Variants in SDF4 observed in about 807,000 individuals in gnomAD.
SDF4 encodes the protein stromal cell derived factor 4.
In SDF4, 22 loss-of-function variants were observed where a neutral mutation model predicts 34.2. The observed-to-expected ratio is 0.64, with a 90% CI of 0.46 to 0.92. SDF4 has a LOEUF of 0.92. Among genes scored for constraint, SDF4 ranks in the 40% least tolerant of loss-of-function variants. The pLI is 0.00. For missense variants in SDF4, 447 were observed against 499.9 expected, an observed-to-expected ratio of 0.89 and a Z score of 1.01; for synonymous variants, 236 against 203.1, an observed-to-expected ratio of 1.16 and a Z score of -1.38.
intron 4 of SDF4, chr1:1,220,788 T>G (rs2100971604): frequency 7.8e-7 from 1 of 1,285,350 alleles, no homozygotes; most frequent in South Asian, 1.2e-5. Flanking sequence ...CAATCAGAGT[T>G]GGGGGGCGGG....
intron 1 of SDF4, among the ~76,000 whole-genome samples, chr1:1,231,679 C>G (rs1465868940): frequency 1.3e-5 from 2 of 152,170 alleles, no homozygotes; most frequent in Admixed American, 6.5e-5. Context: ...TGCCGGCGGC[C>G]GGGGAGGCCA....
At chr1:1,220,413 C>T (rs1045981042) in intron 4 of SDF4, 64 of 1,176,542 alleles carry the variant, frequency 5.4e-5, no homozygotes, top group African/African-American at 1.8e-4. Context: ...CGGTGACCCT[C>T]GCAGGAGCCA....
Position 1,218,581 on chromosome 1 carries a change from C to T in SDF4, c.768G>A (p.Val256=). ...GGCCCTGCTGGTTCTCCACGGTGCC[C>T]ACGGGCAGGGAGATGAACTCGGGCA... ...LSVPEFISLP[V]GTVENQQGQD... is the part of the protein sequence containing the mutation. The change falls in exon 6 of 7, where the codon GTG becomes GTA. Residue 256 remains valine, a synonymous_variant. Transcript: ENST00000360001. This position sits in a 1 kb window ranked among gnomAD's most constrained non-coding sequence, Gnocchi z 7.9. 1 of 1,614,082 alleles carries T rather than the reference C, an allele frequency of 6.2e-7. No individual in the cohort carries two copies. The highest frequency in any genetic ancestry group is 8.5e-7 in the Non-Finnish European group (1 of 1,179,960).
chr1:1,229,971 G>A (rs1478143970), intron 1 of SDF4, among the ~76,000 whole-genome samples: 4 of 152,204 alleles, frequency 2.6e-5, no homozygotes. Context: ...GCGAGCGAAC[G>A]CCAAGGCCGA....
intron 4 of SDF4, chr1:1,221,368 A>G (rs552272224): frequency 6.5e-6 from 1 of 154,074 alleles, no homozygotes; most frequent in East Asian, 1.9e-4. Flanking sequence ...AGACCTACCT[A>G]GGCAACATGG....
At chr1:1,224,445 A>C (rs1203913864) in intron 2 of SDF4, among the ~76,000 whole-genome samples, 1 of 152,026 alleles carries the variant, frequency 6.6e-6, no homozygotes, top group Non-Finnish European at 1.5e-5. Flanking sequence ...ACGCCTGGCT[A>C]ATTTTTGTAT....
At chr1:1,219,874 C>T (rs963915252) in intron 4 of SDF4, 88 of 985,720 alleles carry the variant, frequency 8.9e-5, no homozygotes, top group Middle Eastern at 1.0e-3. Context: ...CTCTGCGTCG[C>T]GCTCACTGCG....
chr1:1,230,146 C>T (rs1638447432), intron 1 of SDF4, among the ~76,000 whole-genome samples: 1 of 152,240 alleles, frequency 6.6e-6, no homozygotes, highest in Non-Finnish European at 1.5e-5. Context: ...ACCTGCGGGT[C>T]CTTTCGGGTG....
chr1:1,217,823 G>C lies in SDF4; in HGVS notation c.892-135C>G, dbSNP rs748773694. 4 of 1,549,190 alleles carry C rather than the reference G, an allele frequency of 2.6e-6. No individual in the cohort carries two copies. Among genetic ancestry groups the C allele is most frequent in the Non-Finnish European group, 3.5e-6 (4 of 1,151,816 alleles). ...GCACGTTCTGGAAGGTTCCCGAAGG[G>C]AGGCGGCACAAATGAAAACACAGGG... On this transcript the variant is annotated intron_variant, in intron 6 of 6. Coordinates refer to ENST00000360001, the MANE Select transcript of SDF4 (RefSeq NM_016176.6). This position sits in a 1 kb window ranked among gnomAD's most constrained non-coding sequence, Gnocchi z 8.5.
chr1:1,217,773 C>A lies in SDF4; in HGVS notation c.892-85G>T. 6.3e-7 allele frequency: 1 copy of A among 1,598,828 alleles called. No individual in the cohort carries two copies. Among genetic ancestry groups the A allele is most frequent in the South Asian group, 1.1e-5 (1 of 90,616 alleles). On this transcript the variant is annotated intron_variant, in intron 6 of 6. Transcript: ENST00000360001. This position sits in a 1 kb window ranked among gnomAD's most constrained non-coding sequence, Gnocchi z 8.5. Reference sequence around the variant, plus strand: ...CCGCACGAAGTGGCTATTTAAGGTGCCTATTGGCTGCAGCGGGAGTGTGGG... The same window carrying A: ...CCGCACGAAGTGGCTATTTAAGGTGACTATTGGCTGCAGCGGGAGTGTGGG...
In SDF4 at chr1:1,220,229, G is replaced by C. The variant is rs971320062; in HGVS notation, c.557-1302C>G. 1.5e-5 allele frequency: 15 copies of C among 1,016,306 alleles called. No homozygotes were observed. In the African/African-American group the frequency reaches 1.9e-4, roughly 13 times the overall value. 63.0% of individuals were successfully genotyped at this position (1,016,306 alleles called of 1,614,324 possible). On this transcript the variant is annotated intron_variant, in intron 4 of 6. Transcript: ENST00000360001. The stretch of plus-strand genomic sequence containing the variant: ...CTGCTGTTAGGGAAGGATCTGGAGA[G>C]ACCCTCCTGGATCAGGGAGAGTCAA...
At position 1,220,444 on chromosome 1, in the gene SDF4, C is replaced by G. The variant is rs181453948; in HGVS notation, c.557-1517G>C. 5 of 1,186,396 alleles carry G rather than the reference C, an allele frequency of 4.2e-6. No homozygotes were observed. In the African/African-American group the frequency reaches 8.0e-5, roughly 19 times the overall value. The allele number at this position is 1,186,396 out of a possible 1,614,324, so 73.5% of individuals were successfully genotyped here. ...AGCCATGCAGGGAGGGGTGGGAGGT[C>G]GCAGGAGTGACGCCTGCCAGCGCTT... On this transcript the variant is annotated intron_variant, in intron 4 of 6. Coordinates refer to ENST00000360001, the MANE Select transcript of SDF4 (RefSeq NM_016176.6).
At chr1:1,220,289 CAG>C (rs1248979546) in intron 4 of SDF4, 3 of 1,090,910 alleles carry the variant, frequency 2.7e-6, no homozygotes, top group East Asian at 7.5e-5. Flanking sequence ...GACGCAGACC[CAG>C]AGAGAGGCAG....
In SDF4 at chr1:1,217,802, G is replaced by C; in HGVS notation, c.892-114C>G. On this transcript the variant is annotated intron_variant, in intron 6 of 6. Coordinates refer to ENST00000360001, the MANE Select transcript of SDF4 (RefSeq NM_016176.6). The surrounding 1 kb of genome is among the most constrained non-coding windows in gnomAD (Gnocchi z 8.5). ...TTGGCTGCAGCGGGAGTGTGGGCACGTTCTGGAAGGTTCCCGAAGGGAGGC... is the reference window on the plus strand; with the variant it reads ...TTGGCTGCAGCGGGAGTGTGGGCACCTTCTGGAAGGTTCCCGAAGGGAGGC... 6.4e-7 allele frequency: 1 copy of C among 1,572,462 alleles called. No homozygotes were observed. Among genetic ancestry groups the C allele is most frequent in the South Asian group, 1.1e-5 (1 of 88,138 alleles).
At chr1:1,220,107 CCAGCACAGGATTCTCA>C in intron 4 of SDF4, 1 of 986,864 alleles carries the variant, frequency 1.0e-6, no homozygotes, top group Non-Finnish European at 1.2e-6. Context: ...GACGCTTTCT[CCAGCACAGGATTCTCA>C]CAGCCGCCGC....
intron 2 of SDF4, among the ~76,000 whole-genome samples, chr1:1,226,856 C>G (rs1337777395): frequency 6.6e-6 from 1 of 152,154 alleles, no homozygotes; most frequent in Non-Finnish European, 1.5e-5. Flanking sequence ...ACCGGCTGAG[C>G]AGGGACGGGG....
intron 2 of SDF4, among the ~76,000 whole-genome samples, chr1:1,226,372 T>C (rs1279033464): frequency 3.3e-5 from 4 of 119,816 alleles, no homozygotes; most frequent in African/African-American, 1.4e-4. Flanking sequence ...ACCTCCCCTC[T>C]GGGGGCTCTT....
Position 1,223,329 on chromosome 1 carries a change from C to G in SDF4, c.471G>C (p.Val157=). The change falls in exon 4 of 7, where the codon GTG becomes GTC. Residue 157 remains valine (V), a synonymous_variant. Transcript: ENST00000360001. ...DGHVSWDEYK[V]KFLASKGHSE... ...TATGGCCTTTACTCGCCAAAAACTT[C>G]ACCTTATACTCGTCCCAAGACACGT... is the stretch of plus-strand genomic sequence containing the variant. 1 of 1,613,694 alleles carries G rather than the reference C, an allele frequency of 6.2e-7. No homozygotes were observed. Among genetic ancestry groups the G allele is most frequent in the Non-Finnish European group, 8.5e-7 (1 of 1,179,770 alleles).
rs754419014 is a variant in SDF4 at position 1,218,450 on chromosome 1, G to C, written c.891+8C>G. On this transcript the variant is annotated splice_region_variant and intron_variant, in intron 6 of 6. Coordinates refer to ENST00000360001, the MANE Select transcript of SDF4 (RefSeq NM_016176.6). The surrounding 1 kb of genome is among the most constrained non-coding windows in gnomAD (Gnocchi z 7.9). The stretch of plus-strand genomic sequence containing the variant: ...CCGGCTCCGGGACACGGCTGCGCCA[G>C]GGCTCACCTCCAGCTCCTCGGCGGT... 4.4e-6 allele frequency: 7 copies of C among 1,609,176 alleles called. No homozygotes were observed. The highest frequency in any genetic ancestry group is 1.7e-4 in the Middle Eastern group (1 of 6,058).
Sources: allele counts gnomAD v4.1 joint callset (sites outside exome capture counted in the v4.1 genomes callset), GRCh38; gene constraint gnomAD v4.1.1; non-coding constraint Gnocchi (gnomAD v3.1); transcripts MANE v1.5; gene names NCBI Gene and HGNC (gene_info 2026-07-23, HGNC 2026-07-21).